Variants in RARB observed in about 807,000 individuals in gnomAD.
The protein encoded by RARB is retinoic acid receptor beta.
In RARB, 17 loss-of-function variants were observed where a neutral mutation model predicts 51.9. The observed-to-expected ratio is 0.33, with a 90% CI of 0.22 to 0.49. RARB has a LOEUF of 0.49. Ranked by LOEUF, RARB falls within the 20% of genes least tolerant of loss-of-function variation. RARB has a pLI of 0.99. For synonymous variants in RARB, 215 were observed against 195.4 expected, an observed-to-expected ratio of 1.10 and a Z score of -0.84; for missense variants, 369 against 550.8, an observed-to-expected ratio of 0.67 and a Z score of 3.30.
At chr3:24,911,416 C>A (rs920235636) in intron 2 of RARB, among the ~76,000 whole-genome samples, 1 of 152,130 alleles carries the variant, frequency 6.6e-6, no homozygotes, top group Non-Finnish European at 1.5e-5. Flanking sequence ...CTGGAATGAG[C>A]TGACATCTGA....
intron 4 of RARB, among the ~76,000 whole-genome samples, chr3:25,573,063 C>T (rs1700772709): frequency 6.6e-6 from 1 of 152,122 alleles, no homozygotes; most frequent in African/African-American, 2.4e-5. Flanking sequence ...AGATAAACCC[C>T]CCCAGCTTCC....
intron 5 of RARB, among the ~76,000 whole-genome samples, chr3:25,193,730 G>A (rs758198202): frequency 3.2e-4 from 48 of 151,870 alleles, no homozygotes; most frequent in African/African-American, 1.1e-3. Flanking sequence ...TATTGTGTAT[G>A]TAGATTGTTG....
intron 3 of RARB, among the ~76,000 whole-genome samples, chr3:25,527,628 A>G (rs1698710131): frequency 6.6e-6 from 1 of 152,210 alleles, no homozygotes; most frequent in African/African-American, 2.4e-5. Context: ...CAAACCATCC[A>G]AGCACAGGGT....
intron 5 of RARB, among the ~76,000 whole-genome samples, chr3:25,270,052 C>G (rs997677311): frequency 6.6e-6 from 1 of 152,152 alleles, no homozygotes; most frequent in Non-Finnish European, 1.5e-5. Context: ...TTGTGTCTAG[C>G]TGGTGGGAAC....
At chr3:24,921,476 A>C (rs927005509) in intron 2 of RARB, among the ~76,000 whole-genome samples, 2 of 152,142 alleles carry the variant, frequency 1.3e-5, no homozygotes, top group East Asian at 1.9e-4. Flanking sequence ...CATTCCTGTG[A>C]TAAGTGTTTA....
intron 1 of RARB, among the ~76,000 whole-genome samples, chr3:24,836,210 T>A (rs1370380357): frequency 6.6e-6 from 1 of 152,186 alleles, no homozygotes; most frequent in Non-Finnish European, 1.5e-5. Context: ...AAGCAAAATC[T>A]CCTCTTTTGT....
intron 1 of RARB, among the ~76,000 whole-genome samples, chr3:25,431,224 T>G (rs1355730328): frequency 1.3e-5 from 2 of 152,150 alleles, no homozygotes; most frequent in African/African-American, 2.4e-5. Flanking sequence ...GAAAAAGTAC[T>G]AAATTCCAAC....
chr3:25,003,194 CAAA>C (rs565249387), intron 2 of RARB, among the ~76,000 whole-genome samples: 2 of 89,506 alleles, frequency 2.2e-5, no homozygotes, highest in Admixed American at 1.2e-4. Context: ...GATCATAATG[CAAA>C]AAAAAAAAAA....
chr3:25,114,280 TTC>T (rs1699650148), intron 3 of RARB, among the ~76,000 whole-genome samples: 1 of 152,200 alleles, frequency 6.6e-6, no homozygotes, highest in African/African-American at 2.4e-5. Flanking sequence ...GCTCTGAAGT[TTC>T]TTTTACTCAA....
At chr3:25,459,992 T>C (rs1188219046) in intron 1 of RARB, among the ~76,000 whole-genome samples, 6 of 152,224 alleles carry the variant, frequency 3.9e-5, no homozygotes, top group Non-Finnish European at 5.9e-5. Flanking sequence ...AACACCCCGT[T>C]CTTATATTTT....
At chr3:25,320,089 C>G (rs1218100299) in intron 5 of RARB, among the ~76,000 whole-genome samples, 3 of 149,892 alleles carry the variant, frequency 2.0e-5, no homozygotes, top group Admixed American at 1.3e-4. Context: ...TCAGTCTAGA[C>G]CAAGGCAAGC....
intron 5 of RARB, among the ~76,000 whole-genome samples, chr3:25,415,307 C>T (rs992351011): frequency 2.0e-5 from 3 of 152,092 alleles, no homozygotes; most frequent in African/African-American, 7.2e-5. Flanking sequence ...CTATTTTCTT[C>T]TAAAAGTTTA....
intron 4 of RARB, among the ~76,000 whole-genome samples, chr3:25,161,311 T>G (rs55750806): frequency 0.085 from 12,902 of 151,730 alleles, 718 homozygotes; most frequent in Non-Finnish European, 0.13. Flanking sequence ...CCTCCCAAAG[T>G]GCTGGGATTA....
chr3:25,561,583 T>C (rs1700272776), intron 3 of RARB, among the ~76,000 whole-genome samples: 1 of 152,080 alleles, frequency 6.6e-6, no homozygotes, highest in Admixed American at 6.6e-5. Context: ...AGTGTGGTCT[T>C]GGCTGGAACA....
At chr3:24,942,596 A>G (rs1695690352) in intron 2 of RARB, among the ~76,000 whole-genome samples, 1 of 152,190 alleles carries the variant, frequency 6.6e-6, no homozygotes, top group African/African-American at 2.4e-5. Context: ...TTTACTACCT[A>G]AGTGACCTTA....
In RARB at chr3:25,594,788, G is replaced by A. The variant is rs975116448; in HGVS notation, c.1150+110G>A. The stretch of plus-strand genomic sequence containing the variant: ...GTTTAATGGCTGCTTTTAAAGTCTT[G>A]GAACTCATTTCTCATTGAAATCAAA... On this transcript the variant is annotated intron_variant, in intron 7 of 7. Transcript: ENST00000330688. The A allele has an allele frequency of 1.5e-5, 16 of 1,043,862 alleles. No homozygotes were observed. In the South Asian group the frequency reaches 5.0e-4, roughly 32 times the overall value. The allele number at this position is 1,043,862 out of a possible 1,614,324, so 64.7% of individuals were successfully genotyped here.
intron 2 of RARB, among the ~76,000 whole-genome samples, chr3:24,947,161 G>A (rs1695793724): frequency 6.6e-6 from 1 of 152,104 alleles, no homozygotes; most frequent in South Asian, 2.1e-4. Flanking sequence ...AGAAACATGG[G>A]CAAATTATAT....
chr3:24,849,749 C>G lies in RARB; in HGVS notation c.-458-8925C>G, dbSNP rs532091920. On this transcript the variant is annotated intron_variant, in intron 1 of 11. Coordinates refer to the RARB transcript ENST00000383772. ...GGCCATTTTGAGCATACCTGTTTAC[C>G]CATTCAACATCCATTATGGGAATGA... 2.0e-5 allele frequency among the ~76,000 whole-genome samples: 3 copies of G among 152,322 alleles called. No individual in the cohort carries two copies. The South Asian group carries it at 6.2e-4, about 32-fold the overall frequency.
chr3:24,942,570 C>G (rs1482874977), intron 2 of RARB, among the ~76,000 whole-genome samples: 1 of 152,130 alleles, frequency 6.6e-6, no homozygotes, highest in East Asian at 1.9e-4. Context: ...AAGCATGAAC[C>G]TAGGAGTTCT....
Sources: gnomAD v4.1 joint callset for allele counts (sites outside exome capture counted in the v4.1 genomes callset) on GRCh38, gnomAD v4.1.1 for gene constraint, MANE v1.5 for transcripts, NCBI Gene and HGNC (gene_info 2026-07-23, HGNC 2026-07-21) for gene names.